ANKIB1: variants seen among roughly 807,000 people sequenced by gnomAD.
ANKIB1 encodes ankyrin repeat and IBR domain containing 1, also known as ankyrin repeat and IBR domain-containing protein 1.
Under a neutral mutation model 122.1 loss-of-function variants are expected in ANKIB1, and 43 were observed. The observed-to-expected ratio is 0.35, with a 90% CI of 0.28 to 0.45. The LOEUF (loss-of-function observed/expected upper bound fraction) is 0.45. ANKIB1 is among the 20% of genes least tolerant of loss of function. The pLI, the probability that ANKIB1 is intolerant of heterozygous loss-of-function variation, is 1.00. For missense variants in ANKIB1, 992 were observed against 1,329.5 expected, an observed-to-expected ratio of 0.75 and a Z score of 3.95; for synonymous variants, 390 against 442.0, an observed-to-expected ratio of 0.88 and a Z score of 1.48.
At chr7:92,280,099 T>C (rs1439657463) in intron 1 of ANKIB1, among the ~76,000 whole-genome samples, 2 of 152,236 alleles carry the variant, frequency 1.3e-5, no homozygotes, top group Admixed American at 1.3e-4. Flanking sequence ...AGTGTTCTGC[T>C]CACCAGTAGC....
chr7:92,257,172 G>A (rs942598890), intron 1 of ANKIB1, among the ~76,000 whole-genome samples: 1 of 149,558 alleles, frequency 6.7e-6, no homozygotes, highest in East Asian at 2.0e-4. Flanking sequence ...CAGCCTGGGA[G>A]CAAGACTCTG....
rs542517259 is a variant in ANKIB1 at position 92,270,253 on chromosome 7, G to A, written c.-91+23734G>A. 2.6e-5 allele frequency among the ~76,000 whole-genome samples: 4 copies of A among 152,100 alleles called. No individual in the cohort carries two copies. The South Asian group carries it at 8.3e-4, about 32-fold the overall frequency. On this transcript the variant is annotated intron_variant, in intron 1 of 19. Transcript: ENST00000265742. ...AAATTTTTAATTTTTTGTAGAGACAGGATCTTGCTATGCTGCCTAGGCTGG... is the reference window on the plus strand; with the variant it reads ...AAATTTTTAATTTTTTGTAGAGACAAGATCTTGCTATGCTGCCTAGGCTGG...
At chr7:92,355,921 C>G (rs1050428712) in intron 9 of ANKIB1, among the ~76,000 whole-genome samples, 3 of 150,744 alleles carry the variant, frequency 2.0e-5, no homozygotes, top group Non-Finnish European at 4.4e-5. Flanking sequence ...TTTATATTAC[C>G]TAGCGGTTGA....
chr7:92,260,531 TTAG>T (rs767705466), intron 1 of ANKIB1, among the ~76,000 whole-genome samples: 5 of 152,030 alleles, frequency 3.3e-5, no homozygotes, highest in Non-Finnish European at 5.9e-5. Context: ...GTAAACTAAA[TTAG>T]CTGGGCGTGG....
At chr7:92,364,461 T>A (rs558673102) in intron 10 of ANKIB1, among the ~76,000 whole-genome samples, 1 of 152,222 alleles carries the variant, frequency 6.6e-6, no homozygotes, top group Non-Finnish European at 1.5e-5. Flanking sequence ...CATAAATAGA[T>A]TCATACCATT....
intron 14 of ANKIB1, among the ~76,000 whole-genome samples, chr7:92,388,788 C>T (rs1804723614): frequency 6.6e-6 from 1 of 152,162 alleles, no homozygotes. Context: ...AAATCCTTTT[C>T]ATTAGGATAA....
At chr7:92,386,107 C>CGTA (rs1488668561) in intron 11 of ANKIB1, among the ~76,000 whole-genome samples, 1 of 152,110 alleles carries the variant, frequency 6.6e-6, no homozygotes, top group African/African-American at 2.4e-5. Flanking sequence ...GTCTTTTAAG[C>CGTA]GTAGTTCTAG....
intron 1 of ANKIB1, among the ~76,000 whole-genome samples, chr7:92,275,372 A>G (rs1008672043): frequency 6.6e-6 from 1 of 152,174 alleles, no homozygotes; most frequent in African/African-American, 2.4e-5. Context: ...TTTAAAAAGT[A>G]TTGTTCCCAA....
At chr7:92,310,194 A>ATG (rs1453680072) in intron 3 of ANKIB1, among the ~76,000 whole-genome samples, 1 of 151,728 alleles carries the variant, frequency 6.6e-6, no homozygotes, top group African/African-American at 2.4e-5. Context: ...GAGCATGTAA[A>ATG]TGTGTGTGTG....
chr7:92,263,124 G>A (rs945965379), intron 1 of ANKIB1, among the ~76,000 whole-genome samples: 9 of 152,144 alleles, frequency 5.9e-5, no homozygotes, highest in Non-Finnish European at 1.3e-4. Context: ...AATGTAGGCA[G>A]GATTGTATGG....
At chr7:92,282,438 C>T (rs1802028781) in intron 1 of ANKIB1, among the ~76,000 whole-genome samples, 1 of 152,202 alleles carries the variant, frequency 6.6e-6, no homozygotes, top group African/African-American at 2.4e-5. Context: ...GCCACCACGC[C>T]TGGCCAGCAT....
At chr7:92,394,986 A>C (rs1804854605) in intron 17 of ANKIB1, among the ~76,000 whole-genome samples, 1 of 152,222 alleles carries the variant, frequency 6.6e-6, no homozygotes, top group Non-Finnish European at 1.5e-5. Context: ...CAATATAAGC[A>C]TATTGAATAT....
intron 1 of ANKIB1, among the ~76,000 whole-genome samples, chr7:92,256,660 C>T (rs982093706): frequency 2.6e-5 from 4 of 152,152 alleles, no homozygotes; most frequent in African/African-American, 9.7e-5. Context: ...ATCTTCATGG[C>T]TACAAAGCCC....
At chr7:92,307,316 A>G (rs747326744) in intron 2 of ANKIB1, 43 bp from the exon 3 acceptor site, 1 of 1,529,360 alleles carries the variant, frequency 6.5e-7, no homozygotes, top group Non-Finnish European at 8.8e-7. Flanking sequence ...GGTAGAAAAT[A>G]AGTGATTTTC....
At chr7:92,388,111 G>C (rs756672112) in intron 14 of ANKIB1, 70 bp downstream of exon 14, 67 of 1,379,580 alleles carry the variant, frequency 4.9e-5, no homozygotes, top group Non-Finnish European at 6.2e-5. Context: ...TCACTAGTAG[G>C]TTAGGCCCTG....
chr7:92,339,040 CTTTTTTTTTT>C (rs1209380092), intron 5 of ANKIB1, among the ~76,000 whole-genome samples: 1 of 64,858 alleles, frequency 1.5e-5, no homozygotes, highest in African/African-American at 6.5e-5. Context: ...CTTGAATTTT[CTTTTTTTTTT>C]TTTTTTTTTG....
chr7:92,344,227 G>C (rs146288085), intron 6 of ANKIB1, among the ~76,000 whole-genome samples: 26 of 112,180 alleles, frequency 2.3e-4, no homozygotes, highest in African/African-American at 8.8e-4. Context: ...TTTTTGAGAC[G>C]GAGTTTCACT....
chr7:92,299,789 C>A (rs1802424855), intron 2 of ANKIB1, among the ~76,000 whole-genome samples: 1 of 151,896 alleles, frequency 6.6e-6, no homozygotes. Context: ...TAAACAAAAA[C>A]TCTTAGGAAC....
chr7:92,276,137 A>G (rs974195307), intron 1 of ANKIB1, among the ~76,000 whole-genome samples: 9 of 152,204 alleles, frequency 5.9e-5, no homozygotes, highest in African/African-American at 1.9e-4. Context: ...GAAAATACAT[A>G]TATTAGGTAA....
Sources: allele counts gnomAD v4.1 joint callset (sites outside exome capture counted in the v4.1 genomes callset), GRCh38; gene constraint gnomAD v4.1.1; transcripts MANE v1.5; gene names NCBI Gene and HGNC (gene_info 2026-07-23, HGNC 2026-07-21).